The following SLC7A5 variants were observed in gnomAD, a reference collection of about 807,000 sequenced individuals.
The protein encoded by SLC7A5 is large neutral amino acids transporter small subunit 1.
Under a neutral mutation model 50.2 loss-of-function variants are expected in SLC7A5, and 23 were observed. The ratio of observed to expected loss-of-function variants is 0.46; its 90% CI spans 0.33 to 0.65. The LOEUF (loss-of-function observed/expected upper bound fraction) is 0.65. Ranked by LOEUF, SLC7A5 falls within the 30% of genes least tolerant of loss-of-function variation. The pLI is 0.02. For synonymous variants in SLC7A5, 393 were observed against 330.6 expected (o/e 1.19, Z -2.05); for missense variants, 578 against 684.4 (o/e 0.84, Z 1.73).
Position 87,832,823 on chromosome 16 carries a change from C to T in SLC7A5, c.*147G>A. The T allele has an allele frequency of 1.4e-6, 1 of 718,614 alleles. No individual in the cohort carries two copies. 44.5% of individuals were successfully genotyped at this position (718,614 alleles called of 1,614,324 possible). ...ATTCGTACCAGAGTTTTCACAGCAG[C>T]CTCCACTGCCCGACCTGGGAGGGAC... On this transcript the variant is annotated 3_prime_UTR_variant, in exon 10 of 10. Coordinates refer to ENST00000261622, the MANE Select transcript of SLC7A5 (RefSeq NM_003486.7). The surrounding 1 kb of genome is among the most constrained non-coding windows in gnomAD (Gnocchi z 4.6).
chr16:87,844,138 G>A (rs1018742467), intron 2 of SLC7A5, among the ~76,000 whole-genome samples: 13 of 152,172 alleles, frequency 8.5e-5, no homozygotes, highest in Admixed American at 5.2e-4. Flanking sequence ...CCACAGAGAC[G>A]CGAGAACAGA....
chr16:87,864,482 G>A (rs957479651), intron 1 of SLC7A5, among the ~76,000 whole-genome samples: 3 of 152,148 alleles, frequency 2.0e-5, no homozygotes, highest in African/African-American at 7.2e-5. Flanking sequence ...TATAAGGGCA[G>A]GGTCTCCCTT....
rs144135456 is a variant in SLC7A5, at chr16:87,852,725, CTG to C, written c.539-878_539-877del. Among the ~76,000 whole-genome samples, 10 of 146,832 alleles carry C rather than the reference CTG, an allele frequency of 6.8e-5. No individual in the cohort carries two copies. Among genetic ancestry groups the C allele is most frequent in the African/African-American group, 1.5e-4 (6 of 39,270 alleles). On this transcript the variant is annotated intron_variant, in intron 1 of 9. Coordinates refer to ENST00000261622, the MANE Select transcript of SLC7A5 (RefSeq NM_003486.7). This position sits in a 1 kb window ranked among gnomAD's most constrained non-coding sequence, Gnocchi z 4.5. ...TGCAATATATAGGCACGCTGAGCCA[CTG>C]TGTGTGTGTGCGTGTGTGTGTGTGT...
intron 1 of SLC7A5, among the ~76,000 whole-genome samples, chr16:87,865,570 C>T (rs2143835544): frequency 6.6e-6 from 1 of 152,100 alleles, no homozygotes; most frequent in African/African-American, 2.4e-5. Context: ...ATTAGCTGGG[C>T]ATGGTGGGCA....
At chr16:87,855,478 C>A (rs970157210) in intron 1 of SLC7A5, among the ~76,000 whole-genome samples, 5 of 152,120 alleles carry the variant, frequency 3.3e-5, no homozygotes, top group Admixed American at 3.3e-4. Context: ...CACAGCACCC[C>A]CACAACTTGT....
intron 1 of SLC7A5, 94 bp downstream of exon 1, chr16:87,868,791 T>A: frequency 7.9e-7 from 1 of 1,265,952 alleles, no homozygotes; most frequent in Admixed American, 2.0e-5. Flanking sequence ...AACGTAAAGA[T>A]GTAGAGATGT....
chr16:87,838,050 C>A (rs1343608347), intron 6 of SLC7A5, 109 bp from the exon 7 acceptor site: 9 of 864,874 alleles, frequency 1.0e-5, no homozygotes, highest in South Asian at 1.4e-5. Context: ...CTTGTCTGGG[C>A]CTCTCTGGCC....
intron 2 of SLC7A5, among the ~76,000 whole-genome samples, chr16:87,849,939 A>G (rs1047821892): frequency 2.0e-5 from 3 of 152,214 alleles, no homozygotes; most frequent in Non-Finnish European, 4.4e-5. Flanking sequence ...ACGATGAGGC[A>G]GGTAACTAAC....
chr16:87,837,468 G>C, intron 7 of SLC7A5: 1 of 277,380 alleles, frequency 3.6e-6, no homozygotes. Context: ...AGGCAGTCAC[G>C]CGGGCTGGCA....
At chr16:87,846,840 G>C (rs180685075) in intron 2 of SLC7A5, among the ~76,000 whole-genome samples, 36 of 152,370 alleles carry the variant, frequency 2.4e-4, no homozygotes, top group African/African-American at 8.2e-4. Context: ...AAAAGGGGCT[G>C]TTGGACCCTG....
In SLC7A5 at chr16:87,830,125, A is replaced by G. The variant is rs1367157743; in HGVS notation, c.*2845T>C. 6.6e-6 allele frequency: 1 copy of G among 152,188 alleles called. No homozygotes were observed. The highest frequency in any genetic ancestry group is 1.5e-5 in the Non-Finnish European group (1 of 68,034). 9.4% of individuals were successfully genotyped at this position (152,188 alleles called of 1,614,324 possible). ...AACAGGTTAGCCATTAACACAGAAT[A>G]AAGAAGGTCCCAGCCACACACGTCA... On this transcript the variant is annotated 3_prime_UTR_variant, in exon 10 of 10. Transcript: ENST00000261622.
In SLC7A5 at chr16:87,832,839, T is replaced by C. The variant is rs1448448211; in HGVS notation, c.*131A>G. 3 of 780,646 alleles carry C rather than the reference T, an allele frequency of 3.8e-6. No homozygotes were observed. Among genetic ancestry groups the C allele is most frequent in the East Asian group, 2.5e-5 (1 of 39,660 alleles). The allele number at this position is 780,646 out of a possible 1,614,324, so 48.4% of individuals were successfully genotyped here. The stretch of plus-strand genomic sequence containing the variant: ...TCACAGCAGCCTCCACTGCCCGACC[T>C]GGGAGGGACGGCGAGGGACTGGGAT... On this transcript the variant is annotated 3_prime_UTR_variant, in exon 10 of 10. Coordinates refer to ENST00000261622, the MANE Select transcript of SLC7A5 (RefSeq NM_003486.7). The surrounding 1 kb of genome is among the most constrained non-coding windows in gnomAD (Gnocchi z 4.6).
In SLC7A5 at chr16:87,860,581, G is replaced by A. The variant is rs2055385233; in HGVS notation, c.538+8304C>T. Among the ~76,000 whole-genome samples, 1 of 152,034 alleles carries A rather than the reference G, an allele frequency of 6.6e-6. No individual in the cohort carries two copies. The highest frequency in any genetic ancestry group is 2.1e-4 in the South Asian group (1 of 4,816). On this transcript the variant is annotated intron_variant, in intron 1 of 9. Transcript: ENST00000261622. The surrounding 1 kb of genome is among the most constrained non-coding windows in gnomAD (Gnocchi z 4.8). The stretch of plus-strand genomic sequence containing the variant: ...GAACTCCAGCTGTGGCCCACCCCCT[G>A]GGGCACATGTCCTCAGGGCCTCCAG...
intron 7 of SLC7A5, chr16:87,837,398 T>C (rs1307595151): frequency 1.5e-5 from 3 of 201,792 alleles, no homozygotes; most frequent in Non-Finnish European, 3.1e-5. Flanking sequence ...AGATAATAAG[T>C]GCTTTTCCTT....
At chr16:87,865,527 G>A (rs1165830238) in intron 1 of SLC7A5, among the ~76,000 whole-genome samples, 1 of 151,968 alleles carries the variant, frequency 6.6e-6, no homozygotes, top group Non-Finnish European at 1.5e-5. Context: ...TGGCCAACAT[G>A]GTGAAGCCCC....
chr16:87,867,147 T>G (rs35835081), intron 1 of SLC7A5, among the ~76,000 whole-genome samples: 1 of 152,200 alleles, frequency 6.6e-6, no homozygotes, highest in African/African-American at 2.4e-5. Flanking sequence ...CTCGAACTCC[T>G]GACCTCGGTA....
intron 8 of SLC7A5, among the ~76,000 whole-genome samples, chr16:87,836,090 C>G (rs1458431200): frequency 6.6e-6 from 1 of 152,246 alleles, no homozygotes; most frequent in African/African-American, 2.4e-5. Context: ...CCAGGAGAGT[C>G]CAGCTGGGCC....
At chr16:87,839,857 C>T (rs373301769) in intron 4 of SLC7A5, 32 bp from the exon 5 acceptor site, 21 of 1,612,730 alleles carry the variant, frequency 1.3e-5, no homozygotes, top group East Asian at 2.2e-5. Flanking sequence ...TGTCACCCAA[C>T]GCAGCCCGGG....
rs963503953 is a variant in SLC7A5 at position 87,853,151 on chromosome 16, C to G, written c.539-1302G>C. On this transcript the variant is annotated intron_variant, in intron 1 of 9. Coordinates refer to ENST00000261622, the MANE Select transcript of SLC7A5 (RefSeq NM_003486.7). The surrounding 1 kb of genome is among the most constrained non-coding windows in gnomAD (Gnocchi z 4.4). ...GTAACGCTCAGAAAGGTCTGGCCAG[C>G]CAAGGCCTTGAGGACTCCAGTGGCT... Among the ~76,000 whole-genome samples, 10 of 152,244 alleles carry G rather than the reference C, an allele frequency of 6.6e-5. No individual in the cohort carries two copies. The highest frequency in any genetic ancestry group is 2.0e-4 in the Admixed American group (3 of 15,290).
Sources: gnomAD v4.1 joint callset for allele counts (sites outside exome capture counted in the v4.1 genomes callset) on GRCh38, gnomAD v4.1.1 for gene constraint, Gnocchi (gnomAD v3.1) non-coding constraint, MANE v1.5 for transcripts, NCBI Gene and HGNC (gene_info 2026-07-23, HGNC 2026-07-21) for gene names.